Variants in JCAD observed in about 807,000 individuals in gnomAD.
JCAD encodes junctional cadherin 5-associated protein.
A neutral mutation model predicts 98.0 loss-of-function variants in JCAD; 40 were observed. That is an observed-to-expected ratio of 0.41 (90% CI 0.32 to 0.53). JCAD has a LOEUF of 0.53. JCAD is among the 20% of genes least tolerant of loss of function. The probability of loss-of-function intolerance (pLI) is 0.31; values close to 1 mark genes in which losing one functional copy is unlikely to be tolerated. For synonymous variants in JCAD, 691 were observed against 682.3 expected (o/e 1.01, Z -0.20); for missense variants, 1,705 against 1,738.1 (o/e 0.98, Z 0.34).
intron 2 of JCAD, among the ~76,000 whole-genome samples, chr10:30,042,828 A>G (rs1263615968): frequency 6.6e-6 from 1 of 152,010 alleles, no homozygotes; most frequent in Non-Finnish European, 1.5e-5. Context: ...CTCCCAAAGG[A>G]TCTATGAAGG....
intron 1 of JCAD, among the ~76,000 whole-genome samples, chr10:30,093,221 G>A (rs1838314633): frequency 6.6e-6 from 1 of 152,130 alleles, no homozygotes; most frequent in African/African-American, 2.4e-5. Context: ...TGCCAGGGAA[G>A]GAATCTACCT....
intron 2 of JCAD, among the ~76,000 whole-genome samples, chr10:30,067,805 C>A (rs1179100794): frequency 6.6e-6 from 1 of 152,150 alleles, no homozygotes; most frequent in Non-Finnish European, 1.5e-5. Flanking sequence ...TAGGTGATTT[C>A]ATTGTTGTGC....
chr10:30,070,224 C>T (rs1260549651), intron 1 of JCAD, among the ~76,000 whole-genome samples: 1 of 152,130 alleles, frequency 6.6e-6, no homozygotes, highest in African/African-American at 2.4e-5. Context: ...TGTGAAAATC[C>T]AAAGCCAGTG....
chr10:30,051,043 A>G (rs915689856), intron 1 of JCAD, among the ~76,000 whole-genome samples: 24 of 152,202 alleles, frequency 1.6e-4, no homozygotes, highest in African/African-American at 5.5e-4. Context: ...CTAGCTTCAA[A>G]GTTCAGGCTA....
At chr10:30,077,803 TC>T (rs1362673917) in intron 1 of JCAD, among the ~76,000 whole-genome samples, 1 of 152,250 alleles carries the variant, frequency 6.6e-6, no homozygotes, top group Non-Finnish European at 1.5e-5. Context: ...ATGACATTTA[TC>T]CATTTATCTA....
intron 2 of JCAD, among the ~76,000 whole-genome samples, chr10:30,042,800 G>A (rs1352245542): frequency 2.0e-5 from 3 of 152,062 alleles, no homozygotes; most frequent in African/African-American, 7.3e-5. Context: ...TTCCTTTCAG[G>A]TAGGTTCCAC....
chr10:30,089,551 T>TGTGTGTG (rs1838226153), intron 1 of JCAD, among the ~76,000 whole-genome samples: 3 of 150,970 alleles, frequency 2.0e-5, no homozygotes, highest in East Asian at 2.0e-4. Context: ...TGTGTGTGTG[T>TGTGTGTG]TTGCTACTAA....
At chr10:30,057,950 C>CA (rs1227301796) in intron 1 of JCAD, among the ~76,000 whole-genome samples, 1 of 152,122 alleles carries the variant, frequency 6.6e-6, no homozygotes, top group Non-Finnish European at 1.5e-5. Context: ...ATATGATTTC[C>CA]AAAAAAGCCT....
chr10:30,022,669 T>C (rs1273783324), intron 3 of JCAD, among the ~76,000 whole-genome samples: 1 of 152,140 alleles, frequency 6.6e-6, no homozygotes, highest in Non-Finnish European at 1.5e-5. Flanking sequence ...TAAGATATCG[T>C]CCCTAATGGT....
rs1047841416 is a variant in JCAD, at chr10:30,015,094, A to G, written c.*2789T>C. 2 of 152,224 alleles carry G rather than the reference A, an allele frequency of 1.3e-5. No individual in the cohort carries two copies. The highest frequency in any genetic ancestry group is 2.4e-5 in the African/African-American group (1 of 41,448). 9.4% of individuals were successfully genotyped at this position (152,224 alleles called of 1,614,324 possible). A position where few individuals can be genotyped will look rare whatever the true frequency, so the allele number is the denominator to read the frequency against. ...TTCAAAGAAAGGCAATTTGAGCTAAATTACCATCATTTTCCCTTCTTTTGC... is the reference window on the plus strand; with the variant it reads ...TTCAAAGAAAGGCAATTTGAGCTAAGTTACCATCATTTTCCCTTCTTTTGC... On this transcript the variant is annotated 3_prime_UTR_variant, in exon 4 of 4. Coordinates refer to ENST00000375377, the MANE Select transcript of JCAD (RefSeq NM_020848.4).
chr10:30,077,331 C>T (rs867651879), intron 1 of JCAD, among the ~76,000 whole-genome samples: 14 of 152,238 alleles, frequency 9.2e-5, no homozygotes, highest in African/African-American at 1.9e-4. Flanking sequence ...AGCTGGAGTG[C>T]AGTGGTACAA....
chr10:30,049,958 T>C (rs1452026199), intron 1 of JCAD, among the ~76,000 whole-genome samples: 4 of 152,136 alleles, frequency 2.6e-5, no homozygotes, highest in Admixed American at 6.5e-5. Context: ...GCAAAGAGCA[T>C]GTGTTTGTGT....
At chr10:30,083,178 A>G (rs944033550) in intron 1 of JCAD, among the ~76,000 whole-genome samples, 1 of 152,084 alleles carries the variant, frequency 6.6e-6, no homozygotes, top group Non-Finnish European at 1.5e-5. Context: ...TTTAACCATG[A>G]GAAGAAGGAA....
Position 30,028,984 on chromosome 10 carries a change from T to C in JCAD, c.1164A>G (p.Ser388=). ...ACTCATTCCCAGTTCCAGGGGGGCC[T>C]GAAGGAGGCTGACCGCTGGCCCCAG... ...EKAGASGQPP[S]GPPGTGNEYG... is the part of the protein sequence containing the mutation. The change falls in exon 3 of 4, where the codon TCA becomes TCG. Residue 388 remains serine (S), a synonymous_variant. Transcript: ENST00000375377. 1.2e-6 allele frequency: 2 copies of C among 1,613,668 alleles called. No individual in the cohort carries two copies. Among genetic ancestry groups the C allele is most frequent in the Non-Finnish European group, 1.7e-6 (2 of 1,179,902 alleles).
chr10:30,026,948 G>C lies in JCAD; in HGVS notation c.3200C>G (p.Ser1067Cys). 1 of 1,614,162 alleles carries C rather than the reference G, an allele frequency of 6.2e-7. No individual in the cohort carries two copies. The change falls in exon 3 of 4, where the codon TCT (serine) becomes TGT (cysteine). Residue 1067 changes from serine to cysteine, a missense_variant. Ser to Cys is a moderately radical substitution (Grantham distance 112, BLOSUM62 -1). This residue lies in a region of JCAD where 1,278 missense variants were observed against 1,243.1 expected (regional missense o/e 1.03). Transcript: ENST00000375377. ...QEQGASELEG[S>C]LGEASTIEIP... ...TTCTATTGTGCTTGCTTCACCCAAA[G>C]ACCCCTCTAGCTCACTGGCACCCTG...
chr10:30,076,194 T>G (rs560956687), intron 1 of JCAD, among the ~76,000 whole-genome samples: 2 of 152,126 alleles, frequency 1.3e-5, no homozygotes, highest in African/African-American at 4.8e-5. Flanking sequence ...CGGCTAAATT[T>G]TTTTGTATTT....
At chr10:30,020,326 CAAAAAAAAAAA>C (rs59762991) in intron 3 of JCAD, among the ~76,000 whole-genome samples, 3 of 83,064 alleles carry the variant, frequency 3.6e-5, no homozygotes, top group Non-Finnish European at 7.2e-5. Context: ...GACTCGGTCT[CAAAAAAAAAAA>C]AAAAAAAAAA....
rs371928997 is a variant in JCAD, at chr10:30,028,401, C to A, written c.1747G>T (p.Val583Phe). Residue 583 changes from valine to phenylalanine, a missense_variant, in exon 3 of 4, where the codon GTT becomes TTT. Transcript: ENST00000375377. ...KKMNETIFCL[V>F]SIPVKSESHL... Reference sequence around the variant, plus strand: ...GATTCTGATTTCACTGGGATAGAAACCAAGCAAAATATAGTCTCGTTCATT... The same window carrying A: ...GATTCTGATTTCACTGGGATAGAAAACAAGCAAAATATAGTCTCGTTCATT... The A allele has an allele frequency of 1.3e-5, 21 of 1,614,180 alleles. No homozygotes were observed. Among genetic ancestry groups the A allele is most frequent in the Non-Finnish European group, 1.8e-5 (21 of 1,180,036 alleles).
At chr10:30,025,256 G>T (rs182894921) in intron 3 of JCAD, among the ~76,000 whole-genome samples, 4 of 151,716 alleles carry the variant, frequency 2.6e-5, no homozygotes, top group Admixed American at 2.0e-4. Flanking sequence ...AGTGGTTCAC[G>T]CCTGTAATCC....
Sources: allele counts gnomAD v4.1 joint callset (sites outside exome capture counted in the v4.1 genomes callset), GRCh38; gene constraint gnomAD v4.1.1; regional missense constraint gnomAD v4.1.1; transcripts MANE v1.5; gene names NCBI Gene and HGNC (gene_info 2026-07-23, HGNC 2026-07-21).